The following SLC6A5 variants were observed in gnomAD, a reference collection of about 807,000 sequenced individuals.
SLC6A5 encodes solute carrier family 6 member 5, also known as sodium- and chloride-dependent glycine transporter 2.
Under a neutral mutation model 90.5 loss-of-function variants are expected in SLC6A5, and 58 were observed. That is an observed-to-expected ratio of 0.64 (90% CI 0.52 to 0.80). The LOEUF (loss-of-function observed/expected upper bound fraction) is 0.80, where lower values mean the gene tolerates loss of function less well. Ranked by LOEUF, SLC6A5 falls within the 30% of genes least tolerant of loss-of-function variation. The pLI, the probability that SLC6A5 is intolerant of heterozygous loss-of-function variation, is 0.00. For missense variants in SLC6A5, 1,015 were observed against 1,017.6 expected (o/e 1.00, Z 0.03); for synonymous variants, 427 against 401.4 (o/e 1.06, Z -0.76).
rs3740872 is a variant in SLC6A5 at position 20,627,010 on chromosome 11, C to A, written c.1395+168C>A. On this transcript the variant is annotated intron_variant, in intron 8 of 15. Transcript: ENST00000525748. Reference sequence around the variant, plus strand: ...CAGGAAATATTTAATGAGAAGTGGACAACTGAGGGTTTTTAGATTCCTGGA... The same window carrying A: ...CAGGAAATATTTAATGAGAAGTGGAAAACTGAGGGTTTTTAGATTCCTGGA... Among the ~76,000 whole-genome samples, 90,269 of 151,936 alleles carry A rather than the reference C, an allele frequency of 0.59. 27,066 individuals carry two copies. The highest frequency in any genetic ancestry group is 0.71 in the South Asian group (3,432 of 4,814).
intron 11 of SLC6A5, 52 bp downstream of exon 11, chr11:20,636,471 C>G: frequency 1.7e-6 from 2 of 1,168,242 alleles, no homozygotes; most frequent in Non-Finnish European, 1.3e-6. Context: ...GAAGACTCCC[C>G]CTCTCCTGGG....
chr11:20,608,435 G>A (rs1482191112), intron 5 of SLC6A5, among the ~76,000 whole-genome samples: 1 of 152,196 alleles, frequency 6.6e-6, no homozygotes, highest in Non-Finnish European at 1.5e-5. Context: ...CTGTATGTAT[G>A]TCTGGGTCAA....
At chr11:20,601,724 CCAG>C in intron 2 of SLC6A5, 59 bp downstream of exon 2, 1 of 1,551,248 alleles carries the variant, frequency 6.4e-7, no homozygotes, top group East Asian at 2.3e-5. Context: ...GCGAGAGAGG[CCAG>C]CCGGGCCGTG....
chr11:20,606,527 G>A (rs11025647), intron 3 of SLC6A5, among the ~76,000 whole-genome samples: 32 of 152,168 alleles, frequency 2.1e-4, no homozygotes, highest in Admixed American at 1.7e-3. Context: ...GCCCAACCCT[G>A]GTTGGCAGAA....
intron 10 of SLC6A5, among the ~76,000 whole-genome samples, 172 bp from the exon 11 acceptor site, chr11:20,636,135 G>T (rs1853201121): frequency 6.6e-6 from 1 of 152,110 alleles, no homozygotes; most frequent in Non-Finnish European, 1.5e-5. Flanking sequence ...CCTTCAAGGA[G>T]CCTAAGGTCT....
At chr11:20,608,958 C>CTCTGTG (rs368771053) in intron 5 of SLC6A5, among the ~76,000 whole-genome samples, 4 of 110,938 alleles carry the variant, frequency 3.6e-5, no homozygotes, top group South Asian at 2.9e-4. Context: ...CTCTCTCTCT[C>CTCTGTG]TGTGTGTGTG....
chr11:20,618,945 G>GACATACACACACAC (rs1183729378), intron 7 of SLC6A5, among the ~76,000 whole-genome samples: 187 of 148,768 alleles, frequency 1.3e-3, no homozygotes, highest in Non-Finnish European at 1.0e-3. Context: ...TGTCCCGCCC[G>GACATACACACACAC]ACACACACAC....
intron 1 of SLC6A5, among the ~76,000 whole-genome samples, chr11:20,600,354 GAA>G (rs1360608516): frequency 7.7e-5 from 10 of 130,178 alleles, no homozygotes; most frequent in South Asian, 2.4e-4. Flanking sequence ...AGAAGAAGAA[GAA>G]GAAGAAGAAG....
Position 20,646,926 on chromosome 11 carries a change from A to C in SLC6A5, c.2062A>C (p.Ile688Leu), listed in dbSNP as rs2133819327. The part of the protein sequence containing the change: ...KVCWAFVTPT[I>L]LTFILCFSFY... ...CTGCTGGGCATTTGTAACCCCAACC[A>C]TTTTAACCGTAAGGATTTTGCATGT... Residue 688 changes from isoleucine (I) to leucine (L), a missense_variant, in exon 14 of 16, where the codon ATT becomes CTT. By Grantham distance (5) the Ile-to-Leu change is conservative (BLOSUM62 2). Coordinates refer to ENST00000525748, the MANE Select transcript of SLC6A5 (RefSeq NM_004211.5). 6.2e-7 allele frequency: 1 copy of C among 1,608,156 alleles called. No individual in the cohort carries two copies. Among genetic ancestry groups the C allele is most frequent in the Non-Finnish European group, 8.5e-7 (1 of 1,174,710 alleles).
intron 7 of SLC6A5, among the ~76,000 whole-genome samples, chr11:20,619,178 G>A (rs983749179): frequency 2.0e-5 from 3 of 152,154 alleles, no homozygotes; most frequent in Non-Finnish European, 4.4e-5. Flanking sequence ...AAGGATTTCT[G>A]CGATTATGTT....
At chr11:20,601,702 C>T in intron 2 of SLC6A5, 37 bp downstream of exon 2, 1 of 1,589,262 alleles carries the variant, frequency 6.3e-7, no homozygotes, top group Non-Finnish European at 8.5e-7. Context: ...CAGTGTCCTG[C>T]TCTCCAGCTG....
At chr11:20,628,627 T>G (rs540091116) in intron 9 of SLC6A5, among the ~76,000 whole-genome samples, 2 of 152,056 alleles carry the variant, frequency 1.3e-5, no homozygotes, top group East Asian at 3.9e-4. Flanking sequence ...GATAGGGGAG[T>G]GGTAGGAAGA....
At chr11:20,605,422 A>C (rs1286109948) in intron 3 of SLC6A5, among the ~76,000 whole-genome samples, 2 of 152,218 alleles carry the variant, frequency 1.3e-5, no homozygotes, top group Non-Finnish European at 2.9e-5. Flanking sequence ...CGTCCTCTCC[A>C]GTTCCAAATT....
chr11:20,607,262 A>T, intron 4 of SLC6A5, 124 bp downstream of exon 4: 1 of 1,376,442 alleles, frequency 7.3e-7, no homozygotes, highest in East Asian at 2.4e-5. Context: ...TCCTTCCTTT[A>T]TTTGATCCTT....
chr11:20,604,513 G>T, intron 3 of SLC6A5, 89 bp downstream of exon 3: 2 of 1,521,196 alleles, frequency 1.3e-6, no homozygotes, highest in East Asian at 2.3e-5. Flanking sequence ...CAGGGCCGCC[G>T]GGCGGGGAGG....
At chr11:20,637,446 TA>T in intron 12 of SLC6A5, 143 bp downstream of exon 12, 1 of 749,028 alleles carries the variant, frequency 1.3e-6, no homozygotes, top group Non-Finnish European at 2.3e-6. Flanking sequence ...ACCAGTTCAT[TA>T]GGGATTCTGA....
intron 7 of SLC6A5, among the ~76,000 whole-genome samples, chr11:20,621,118 T>G (rs372567483): frequency 2.0e-5 from 3 of 150,428 alleles, no homozygotes; most frequent in East Asian, 3.9e-4. Context: ...AGACTTTTTC[T>G]AATACAAGAC....
At chr11:20,623,571 G>A (rs900066822) in intron 7 of SLC6A5, among the ~76,000 whole-genome samples, 2 of 152,126 alleles carry the variant, frequency 1.3e-5, no homozygotes, top group Non-Finnish European at 1.5e-5. Context: ...CTGTGCAAAC[G>A]TTAGATCCTG....
Position 20,600,404 on chromosome 11 carries a change from A to G in SLC6A5, c.4-725A>G, listed in dbSNP as rs562125653. On this transcript the variant is annotated intron_variant, in intron 1 of 15. Transcript: ENST00000525748. ...AAGAAGAAGAAGAAGAAGAAGAAGA[A>G]GAAGAAGACCTAAACAAAAGAACAA... is the stretch of plus-strand genomic sequence containing the variant. 1.9e-4 allele frequency among the ~76,000 whole-genome samples: 27 copies of G among 145,616 alleles called. 1 individual carries two copies. In the East Asian group the frequency reaches 4.2e-3, roughly 23 times the overall value.
Sources: gnomAD v4.1 joint callset for allele counts (sites outside exome capture counted in the v4.1 genomes callset) on GRCh38, gnomAD v4.1.1 for gene constraint, MANE v1.5 for transcripts, NCBI Gene and HGNC (gene_info 2026-07-23, HGNC 2026-07-21) for gene names.